GPATCH2L: variants seen among roughly 807,000 people sequenced by gnomAD.
The protein encoded by GPATCH2L is G patch domain-containing protein 2-like.
A neutral mutation model predicts 57.4 loss-of-function variants in GPATCH2L; 31 were observed. The ratio of observed to expected loss-of-function variants is 0.54; its 90% CI spans 0.41 to 0.73. GPATCH2L has a LOEUF of 0.73. GPATCH2L is among the 30% of genes least tolerant of loss of function. The pLI is 0.00. For missense variants in GPATCH2L, 481 were observed against 599.9 expected (o/e 0.80, Z 2.07); for synonymous variants, 199 against 210.7 (o/e 0.94, Z 0.48).
At chr14:76,215,921 T>TA (rs1418856929), downstream of GPATCH2L, among the ~76,000 whole-genome samples, 1 of 144,846 alleles carries the variant, frequency 6.9e-6, no homozygotes, top group Admixed American at 6.8e-5. Flanking sequence ...ATTAAAAAAA[T>TA]AAAATAAAAA....
At chr14:76,199,407 C>T (rs778452100) in intron 9 of GPATCH2L, among the ~76,000 whole-genome samples, 34 of 151,944 alleles carry the variant, frequency 2.2e-4, no homozygotes, top group Admixed American at 3.9e-4. Flanking sequence ...CAGCTTTCAC[C>T]GGGTTCTGTT....
At chr14:76,196,040 A>G (rs1354829166) in intron 9 of GPATCH2L, 68 bp downstream of exon 9, 2 of 1,082,064 alleles carry the variant, frequency 1.8e-6, no homozygotes, top group Admixed American at 1.7e-5. Context: ...TGTGTTTTGT[A>G]TACCTTTTCA....
At chr14:76,189,296 G>C (rs1256066042) in intron 8 of GPATCH2L, among the ~76,000 whole-genome samples, 1 of 152,090 alleles carries the variant, frequency 6.6e-6, no homozygotes, top group Non-Finnish European at 1.5e-5. Context: ...GGTTTGGCTA[G>C]TATGGACATT....
At chr14:76,197,338 G>C (rs1473526349) in intron 9 of GPATCH2L, among the ~76,000 whole-genome samples, 1 of 152,016 alleles carries the variant, frequency 6.6e-6, no homozygotes, top group African/African-American at 2.4e-5. Context: ...TTAATATCTA[G>C]CTTTTATTTT....
At chr14:76,194,104 C>T (rs1334648914) in intron 8 of GPATCH2L, among the ~76,000 whole-genome samples, 2 of 152,058 alleles carry the variant, frequency 1.3e-5, no homozygotes, top group African/African-American at 2.4e-5. Context: ...GTCCTGTCTC[C>T]CTTTGATGTT....
At position 76,166,736 on chromosome 14, in the gene GPATCH2L, G is replaced by T. The variant is rs371696590; in HGVS notation, c.727+9G>T. The T allele has an allele frequency of 6.3e-7, 1 of 1,583,906 alleles. No homozygotes were observed. The highest frequency in any genetic ancestry group is 8.7e-7 in the Non-Finnish European group (1 of 1,152,786). On this transcript the variant is annotated intron_variant, in intron 3 of 9. Transcript: ENST00000261530. ...TGATGAAGGGCGACAAGGTAATGTC[G>T]ATCCCAGCTTTGGGACCTTGGTTCC...
rs1464660391 is a variant in GPATCH2L, at chr14:76,213,831, T to A, written c.*11980T>A. 1 of 152,164 alleles carries A rather than the reference T, an allele frequency of 6.6e-6. No homozygotes were observed. Among genetic ancestry groups the A allele is most frequent in the East Asian group, 1.9e-4 (1 of 5,196 alleles). 9.4% of individuals were successfully genotyped at this position (152,164 alleles called of 1,614,324 possible). ...AACTAGGAAATTAACATTGGCACAATCCTATTAACTACATACTTTATTTGA... is the reference window on the plus strand; with the variant it reads ...AACTAGGAAATTAACATTGGCACAAACCTATTAACTACATACTTTATTTGA... On this transcript the variant is annotated 3_prime_UTR_variant, in exon 10 of 10. Transcript: ENST00000261530.
In GPATCH2L at chr14:76,185,484, T is replaced by C. The variant is rs369419609; in HGVS notation, c.1193+4635T>C. 7.9e-5 allele frequency among the ~76,000 whole-genome samples: 12 copies of C among 152,338 alleles called. No individual in the cohort carries two copies. The South Asian group carries it at 2.5e-3, about 32-fold the overall frequency. ...AAAATGATAGCTAGGATTTATCAAT[T>C]GCTACATACAGGTCAGTTGCATCTA... On this transcript the variant is annotated intron_variant, in intron 8 of 9. Coordinates refer to ENST00000261530, the MANE Select transcript of GPATCH2L (RefSeq NM_017926.4).
Position 76,152,505 on chromosome 14 carries a change from C to T in GPATCH2L, c.-11+514C>T, listed in dbSNP as rs1224172232. The T allele has an allele frequency of 2.4e-5, 9 of 368,210 alleles. No homozygotes were observed. The East Asian group carries it at 6.6e-4, about 27-fold the overall frequency. The allele number at this position is 368,210 out of a possible 1,614,324, so 22.8% of individuals were successfully genotyped here. A position where few individuals can be genotyped will look rare whatever the true frequency, so the allele number is the denominator to read the frequency against. On this transcript the variant is annotated intron_variant, in intron 1 of 9. Coordinates refer to ENST00000261530, the MANE Select transcript of GPATCH2L (RefSeq NM_017926.4). Reference sequence around the variant, plus strand: ...CTCCGCCCCTCACTTCCACCCTGCTCCTGTCTCTCTTCTTACTTGCTGTCC... The same window carrying T: ...CTCCGCCCCTCACTTCCACCCTGCTTCTGTCTCTCTTCTTACTTGCTGTCC...
At chr14:76,200,179 G>A (rs1043160353) in intron 9 of GPATCH2L, among the ~76,000 whole-genome samples, 1 of 152,104 alleles carries the variant, frequency 6.6e-6, no homozygotes, top group African/African-American at 2.4e-5. Flanking sequence ...AGAGGGAAAT[G>A]GGGGGAGTTA....
chr14:76,199,979 G>A (rs2040268647), intron 9 of GPATCH2L, among the ~76,000 whole-genome samples: 1 of 152,206 alleles, frequency 6.6e-6, no homozygotes. Flanking sequence ...GGAATATTAT[G>A]TAGCTTGAAA....
At chr14:76,222,148 GA>G (rs1352641440) in intron 1 of GPATCH2L, among the ~76,000 whole-genome samples, 1 of 152,066 alleles carries the variant, frequency 6.6e-6, no homozygotes, top group African/African-American at 2.4e-5. Flanking sequence ...TTTAAAAATA[GA>G]AAAAAGGCAC....
chr14:76,181,000 T>A, intron 8 of GPATCH2L, 151 bp downstream of exon 8: 1 of 597,096 alleles, frequency 1.7e-6, no homozygotes, highest in Non-Finnish European at 3.0e-6. Context: ...ATGTAGAAAC[T>A]GAGGCAGAGC....
At chr14:76,174,370 A>G (rs979614932) in intron 5 of GPATCH2L, 16 of 152,252 alleles carry the variant, frequency 1.1e-4, no homozygotes, top group Admixed American at 9.2e-4. Context: ...GCTCATCCTC[A>G]GTCAGAGAAG....
chr14:76,154,757 G>A lies in GPATCH2L; in HGVS notation c.394G>A (p.Val132Met). The change falls in exon 2 of 10, where the codon GTG becomes ATG. Residue 132 changes from valine (V) to methionine (M), a missense_variant. Coordinates refer to ENST00000261530, the MANE Select transcript of GPATCH2L (RefSeq NM_017926.4). This position sits in a 1 kb window ranked among gnomAD's most constrained non-coding sequence, Gnocchi z 4.4. ...TCGACCACTCAGGCGCAGGCGGAAG[G>A]TGAAGCGAGTGACATCAGAGGTGGC... ...PCRPLRRRRK[V>M]KRVTSEVAAS... The A allele has an allele frequency of 1.9e-6, 3 of 1,614,220 alleles. No individual in the cohort carries two copies. The highest frequency in any genetic ancestry group is 2.5e-6 in the Non-Finnish European group (3 of 1,180,044).
intron 8 of GPATCH2L, among the ~76,000 whole-genome samples, chr14:76,182,216 G>C (rs1346844325): frequency 2.0e-5 from 3 of 152,032 alleles, no homozygotes; most frequent in Non-Finnish European, 4.4e-5. Context: ...AATTAGCCAG[G>C]TGTGCTGGCG....
At chr14:76,165,396 G>A (rs2038784238) in intron 2 of GPATCH2L, among the ~76,000 whole-genome samples, 1 of 151,592 alleles carries the variant, frequency 6.6e-6, no homozygotes, top group Admixed American at 6.6e-5. Flanking sequence ...GGAGGCTGAG[G>A]TAGGAGAATT....
Position 76,154,506 on chromosome 14 carries a change from G to A in GPATCH2L, c.143G>A (p.Arg48His), listed in dbSNP as rs1341319109. The change falls in exon 2 of 10, where the codon CGT (arginine) becomes CAT (histidine). Residue 48 changes from arginine to histidine, a missense_variant. Coordinates refer to ENST00000261530, the MANE Select transcript of GPATCH2L (RefSeq NM_017926.4). This position sits in a 1 kb window ranked among gnomAD's most constrained non-coding sequence, Gnocchi z 4.4. ...QLRKRRGRKR[R>H]SDFTHLAEHT... ...CGGAAACGCCGAGGTCGGAAGCGTC[G>A]TTCTGACTTCACTCACCTGGCAGAG... 40 of 1,614,178 alleles carry A rather than the reference G, an allele frequency of 2.5e-5. No individual in the cohort carries two copies. Among genetic ancestry groups the A allele is most frequent in the Non-Finnish European group, 3.3e-5 (39 of 1,180,026 alleles).
chr14:76,165,964 A>G (rs2139618280), intron 2 of GPATCH2L, among the ~76,000 whole-genome samples: 1 of 152,268 alleles, frequency 6.6e-6, no homozygotes, highest in East Asian at 1.9e-4. Context: ...TTCTTGAACC[A>G]GATAAATCAA....
Sources: gnomAD v4.1 joint callset for allele counts (sites outside exome capture counted in the v4.1 genomes callset) on GRCh38, gnomAD v4.1.1 for gene constraint, Gnocchi (gnomAD v3.1) non-coding constraint, MANE v1.5 for transcripts, NCBI Gene and HGNC (gene_info 2026-07-23, HGNC 2026-07-21) for gene names.